Variants in GNA14 observed in about 807,000 individuals in gnomAD.
GNA14 encodes the protein guanine nucleotide-binding protein subunit alpha-14.
Under a neutral mutation model 42.0 loss-of-function variants are expected in GNA14, and 50 were observed. The ratio of observed to expected loss-of-function variants is 1.19; its 90% CI spans 0.95 to 1.51. The LOEUF (loss-of-function observed/expected upper bound fraction) is 1.51. Among genes scored for constraint, GNA14 ranks in the 40% most tolerant of loss-of-function variants. GNA14 has a pLI of 0.00. For missense variants in GNA14, 473 were observed against 446.2 expected, an observed-to-expected ratio of 1.06 and a Z score of -0.54; for synonymous variants, 173 against 163.1, an observed-to-expected ratio of 1.06 and a Z score of -0.46.
At chr9:77,518,759 A>G (rs1030609848) in intron 2 of GNA14, among the ~76,000 whole-genome samples, 3 of 152,256 alleles carry the variant, frequency 2.0e-5, no homozygotes, top group Non-Finnish European at 2.9e-5. Flanking sequence ...CCACACACAG[A>G]AGCAAATAAC....
At chr9:77,495,548 T>C (rs1836856499) in intron 2 of GNA14, among the ~76,000 whole-genome samples, 1 of 152,206 alleles carries the variant, frequency 6.6e-6, no homozygotes, top group African/African-American at 2.4e-5. Context: ...CGCTGAGATG[T>C]ATGGACTTTT....
intron 1 of GNA14, among the ~76,000 whole-genome samples, chr9:77,623,262 A>G (rs1204843394): frequency 1.4e-5 from 2 of 147,782 alleles, no homozygotes; most frequent in East Asian, 2.0e-4. Flanking sequence ...AAGGAAAGAA[A>G]AAGAAAAAAA....
chr9:77,492,357 T>C (rs1044482768), intron 2 of GNA14, among the ~76,000 whole-genome samples: 1 of 151,248 alleles, frequency 6.6e-6, no homozygotes. Context: ...TTATAAAAAA[T>C]ACAGGTCAGC....
chr9:77,607,629 A>T (rs1476726861), intron 1 of GNA14, among the ~76,000 whole-genome samples: 1 of 152,168 alleles, frequency 6.6e-6, no homozygotes, highest in Non-Finnish European at 1.5e-5. Flanking sequence ...GTCTTTTCAT[A>T]CCTACTTGCT....
chr9:77,496,737 T>A (rs1836876911), intron 2 of GNA14, among the ~76,000 whole-genome samples: 1 of 152,216 alleles, frequency 6.6e-6, no homozygotes, highest in Non-Finnish European at 1.5e-5. Context: ...ATTAACAATG[T>A]ACCTCTTCAG....
chr9:77,546,532 T>C (rs1420786744), intron 1 of GNA14, among the ~76,000 whole-genome samples: 1 of 152,146 alleles, frequency 6.6e-6, no homozygotes, highest in African/African-American at 2.4e-5. Context: ...TAAGCATCCA[T>C]TGATCGCCTA....
chr9:77,476,612 C>G (rs1411233050), intron 2 of GNA14, among the ~76,000 whole-genome samples: 1 of 152,184 alleles, frequency 6.6e-6, no homozygotes, highest in Non-Finnish European at 1.5e-5. Flanking sequence ...CACATATGCT[C>G]TCTCCTGAAG....
At position 77,467,082 on chromosome 9, in the gene GNA14, C is replaced by T. The variant is rs1836249216; in HGVS notation, c.310-32560G>A. On this transcript the variant is annotated intron_variant, in intron 2 of 6. Coordinates refer to ENST00000341700, the MANE Select transcript of GNA14 (RefSeq NM_004297.4). Reference sequence around the variant, plus strand: ...ATTTCAGGGAGTTTACAGTTTTGCTCCATGTTCAGCCAGGGACTAGTAGCT... The same window carrying T: ...ATTTCAGGGAGTTTACAGTTTTGCTTCATGTTCAGCCAGGGACTAGTAGCT... Among the ~76,000 whole-genome samples the T allele has an allele frequency of 2.0e-5, 3 of 150,956 alleles. No homozygotes were observed. The South Asian group carries it at 6.3e-4, about 32-fold the overall frequency.
In GNA14 at chr9:77,634,633, A is replaced by G. The variant is rs149360686; in HGVS notation, c.124+13037T>C. 3.3e-5 allele frequency among the ~76,000 whole-genome samples: 5 copies of G among 152,184 alleles called. No homozygotes were observed. The East Asian group carries it at 9.7e-4, about 29-fold the overall frequency. On this transcript the variant is annotated intron_variant, in intron 1 of 6. Transcript: ENST00000341700. ...TTCATATCCTTATACCACTTATCCA[A>G]AAAAAATCAATTCTGGAATTCTCCA...
intron 2 of GNA14, among the ~76,000 whole-genome samples, chr9:77,493,026 A>AAAAAAATATATATATAT (rs1554691641): frequency 7.7e-5 from 4 of 51,708 alleles, no homozygotes; most frequent in East Asian, 1.1e-3. Flanking sequence ...AAAAAAAAAA[A>AAAAAAATATATATATAT]ATATATATAT....
At chr9:77,614,083 C>T (rs1232592175) in intron 1 of GNA14, among the ~76,000 whole-genome samples, 1 of 152,166 alleles carries the variant, frequency 6.6e-6, no homozygotes, top group African/African-American at 2.4e-5. Flanking sequence ...ACAATTAAAA[C>T]TTATTTTTCC....
chr9:77,563,780 A>G (rs1822921541), intron 1 of GNA14, among the ~76,000 whole-genome samples: 2 of 152,158 alleles, frequency 1.3e-5, no homozygotes, highest in Non-Finnish European at 2.9e-5. Flanking sequence ...AGAATCTAAG[A>G]GAATAACTTT....
chr9:77,454,766 A>G (rs1835970797), intron 2 of GNA14, among the ~76,000 whole-genome samples: 1 of 152,042 alleles, frequency 6.6e-6, no homozygotes, highest in Non-Finnish European at 1.5e-5. Flanking sequence ...TCTCTGCCCC[A>G]CCAGTAGAGC....
chr9:77,536,110 A>G (rs768903159), intron 1 of GNA14, among the ~76,000 whole-genome samples: 1 of 152,062 alleles, frequency 6.6e-6, no homozygotes, highest in Non-Finnish European at 1.5e-5. Flanking sequence ...AGGAGGTGCT[A>G]TTTTTCACCA....
intron 1 of GNA14, among the ~76,000 whole-genome samples, chr9:77,542,873 T>G (rs1416299023): frequency 6.6e-6 from 1 of 152,212 alleles, no homozygotes; most frequent in Admixed American, 6.5e-5. Flanking sequence ...ACTAGGTTGG[T>G]GGACGTGTCC....
intron 3 of GNA14, among the ~76,000 whole-genome samples, chr9:77,432,060 G>A (rs1165102535): frequency 6.8e-6 from 1 of 147,952 alleles, no homozygotes; most frequent in African/African-American, 2.5e-5. Flanking sequence ...TTGAAGCCCT[G>A]AGCTTAAAAC....
intron 1 of GNA14, among the ~76,000 whole-genome samples, chr9:77,609,970 G>T (rs1823705011): frequency 6.6e-6 from 1 of 152,140 alleles, no homozygotes; most frequent in Admixed American, 6.5e-5. Flanking sequence ...CAAACAACCA[G>T]GGAAGATTAA....
At chr9:77,550,127 G>C (rs1837771650) in intron 1 of GNA14, among the ~76,000 whole-genome samples, 1 of 152,142 alleles carries the variant, frequency 6.6e-6, no homozygotes, top group Admixed American at 6.5e-5. Context: ...CCAGCCAGGG[G>C]TTTCCATTGG....
intron 1 of GNA14, among the ~76,000 whole-genome samples, chr9:77,570,860 T>C (rs185375339): frequency 2.6e-5 from 4 of 151,204 alleles, no homozygotes; most frequent in Admixed American, 2.6e-4. Flanking sequence ...ACTGGAAATA[T>C]CTGAGCTCTC....
Sources: gnomAD v4.1 joint callset for allele counts (sites outside exome capture counted in the v4.1 genomes callset) on GRCh38, gnomAD v4.1.1 for gene constraint, MANE v1.5 for transcripts, NCBI Gene and HGNC (gene_info 2026-07-23, HGNC 2026-07-21) for gene names.